GRM8: variants seen among roughly 807,000 people sequenced by gnomAD.
GRM8 encodes metabotropic glutamate receptor 8.
Under a neutral mutation model 87.2 loss-of-function variants are expected in GRM8, and 47 were observed. The ratio of observed to expected loss-of-function variants is 0.54; its 90% CI spans 0.43 to 0.69. GRM8 has a LOEUF of 0.69. Ranked by LOEUF, GRM8 falls within the 30% of genes least tolerant of loss-of-function variation. The probability of loss-of-function intolerance (pLI) is 0.00; values close to 1 mark genes in which losing one functional copy is unlikely to be tolerated. For synonymous variants in GRM8, 396 were observed against 404.5 expected (o/e 0.98, Z 0.25); for missense variants, 1,019 against 1,139.2 (o/e 0.89, Z 1.52).
At chr7:126,771,978 C>T (rs567034547) in intron 6 of GRM8, among the ~76,000 whole-genome samples, 1 of 152,108 alleles carries the variant, frequency 6.6e-6, no homozygotes, top group Non-Finnish European at 1.5e-5. Flanking sequence ...AGTCTTAGAA[C>T]AACACTGCTT....
chr7:126,707,640 A>G (rs1258865037), intron 7 of GRM8, among the ~76,000 whole-genome samples: 1 of 152,204 alleles, frequency 6.6e-6, no homozygotes, highest in African/African-American at 2.4e-5. Context: ...GTCAACTGAT[A>G]CTCAACAATA....
At chr7:126,812,898 A>G (rs2151743260) in intron 6 of GRM8, among the ~76,000 whole-genome samples, 1 of 152,218 alleles carries the variant, frequency 6.6e-6, no homozygotes, top group Middle Eastern at 3.4e-3. Flanking sequence ...AAAAACAGAC[A>G]GGAAACTTTT....
intron 2 of GRM8, among the ~76,000 whole-genome samples, chr7:127,120,189 T>C (rs1380177545): frequency 1.3e-5 from 2 of 152,212 alleles, no homozygotes; most frequent in Admixed American, 1.3e-4. Flanking sequence ...GCAGCTATCA[T>C]CTATGCATGG....
At chr7:126,849,615 C>A (rs1797019759) in intron 6 of GRM8, among the ~76,000 whole-genome samples, 1 of 152,192 alleles carries the variant, frequency 6.6e-6, no homozygotes, top group African/African-American at 2.4e-5. Flanking sequence ...TCCTAAACAA[C>A]TATTTCCTTC....
At chr7:127,140,850 A>C (rs764882425) in intron 2 of GRM8, among the ~76,000 whole-genome samples, 1 of 151,706 alleles carries the variant, frequency 6.6e-6, no homozygotes, top group Non-Finnish European at 1.5e-5. Flanking sequence ...AGCTGCAGAC[A>C]AAGTCTCCAT....
At position 126,497,629 on chromosome 7, in the gene GRM8, G is replaced by A. The variant is rs536317992; in HGVS notation, c.2430+35323C>T. Among the ~76,000 whole-genome samples the A allele has an allele frequency of 2.0e-5, 3 of 151,822 alleles. No individual in the cohort carries two copies. The East Asian group carries it at 5.9e-4, about 30-fold the overall frequency. Reference sequence around the variant, plus strand: ...CTGTCATTATAACAACCCAATAATTGGTTTAACCTCTTAAAATTATTCTAG... The same window carrying A: ...CTGTCATTATAACAACCCAATAATTAGTTTAACCTCTTAAAATTATTCTAG... On this transcript the variant is annotated intron_variant, in intron 9 of 10. Coordinates refer to ENST00000339582, the MANE Select transcript of GRM8 (RefSeq NM_000845.3).
rs572070025 is a variant in GRM8, at chr7:127,075,309, T to C, written c.727+31187A>G. On this transcript the variant is annotated intron_variant, in intron 3 of 10. Coordinates refer to ENST00000339582, the MANE Select transcript of GRM8 (RefSeq NM_000845.3). ...CAAAATGTAGCATTACTTTAAGTCC[T>C]TTATAATTACATATTTCCCACAATT... Among the ~76,000 whole-genome samples the C allele has an allele frequency of 2.6e-5, 4 of 152,326 alleles. No homozygotes were observed. In the South Asian group the frequency reaches 8.3e-4, roughly 32 times the overall value.
intron 3 of GRM8, among the ~76,000 whole-genome samples, chr7:127,043,803 T>C (rs1818670860): frequency 6.6e-6 from 1 of 152,148 alleles, no homozygotes; most frequent in Non-Finnish European, 1.5e-5. Context: ...CCTTTGCGGA[T>C]AGGTGGCTCT....
intron 3 of GRM8, among the ~76,000 whole-genome samples, chr7:126,957,173 A>T (rs1380788265): frequency 6.6e-6 from 1 of 152,210 alleles, no homozygotes; most frequent in Non-Finnish European, 1.5e-5. Flanking sequence ...GGTAAGGAAG[A>T]TCTCAATCAC....
rs554041586 is a variant in GRM8 at position 126,801,619 on chromosome 7, C to T, written c.1157-31554G>A. 8.5e-5 allele frequency among the ~76,000 whole-genome samples: 8 copies of T among 94,444 alleles called. No individual in the cohort carries two copies. The South Asian group carries it at 1.3e-3, about 16-fold the overall frequency. The allele number at this position is 94,444 out of a possible 152,430, so 62.0% of individuals were successfully genotyped here. A position where few individuals can be genotyped will look rare whatever the true frequency, so the allele number is the denominator to read the frequency against. On this transcript the variant is annotated intron_variant, in intron 6 of 10. Transcript: ENST00000339582. Reference sequence around the variant, plus strand: ...CTGTATTATATAATTTTCTATAATACGTATGTATTAGTTATTGTAATGCAT... The same window carrying T: ...CTGTATTATATAATTTTCTATAATATGTATGTATTAGTTATTGTAATGCAT...
chr7:126,804,818 C>T (rs1481725509), intron 6 of GRM8, among the ~76,000 whole-genome samples: 2 of 152,164 alleles, frequency 1.3e-5, no homozygotes, highest in Non-Finnish European at 2.9e-5. Flanking sequence ...TTATGACTTA[C>T]TCTACCTATG....
intron 3 of GRM8, among the ~76,000 whole-genome samples, chr7:127,009,446 A>G (rs1160693868): frequency 6.6e-6 from 1 of 152,118 alleles, no homozygotes; most frequent in African/African-American, 2.4e-5. Flanking sequence ...TCCTAGAATG[A>G]CATTCTTTAC....
chr7:127,206,724 G>C (rs147668406), intron 2 of GRM8, among the ~76,000 whole-genome samples: 106 of 152,302 alleles, frequency 7.0e-4, no homozygotes, highest in African/African-American at 2.5e-3. Context: ...AGCACCTCCA[G>C]TGTTCTGCAG....
intron 8 of GRM8, among the ~76,000 whole-genome samples, chr7:126,552,012 A>AT (rs1489424766): frequency 6.6e-6 from 1 of 152,006 alleles, no homozygotes; most frequent in East Asian, 1.9e-4. Context: ...GCTTCACTCA[A>AT]TTTTTGTATT....
At chr7:126,610,623 G>A (rs1319899323) in intron 7 of GRM8, among the ~76,000 whole-genome samples, 1 of 151,966 alleles carries the variant, frequency 6.6e-6, no homozygotes, top group African/African-American at 2.4e-5. Flanking sequence ...TCTATCTGTA[G>A]AGTTGTTTAC....
At chr7:126,473,248 T>G (rs1408408576) in intron 9 of GRM8, among the ~76,000 whole-genome samples, 1 of 152,162 alleles carries the variant, frequency 6.6e-6, no homozygotes, top group African/African-American at 2.4e-5. Flanking sequence ...CAGCCGGAAC[T>G]GGGGTGGTAT....
At chr7:126,843,215 G>A (rs1178109440) in intron 6 of GRM8, among the ~76,000 whole-genome samples, 2 of 151,964 alleles carry the variant, frequency 1.3e-5, no homozygotes, top group African/African-American at 4.8e-5. Flanking sequence ...GTCAGTTTTG[G>A]CAGATCTGGA....
intron 9 of GRM8, among the ~76,000 whole-genome samples, chr7:126,475,897 C>G (rs1805848092): frequency 6.6e-6 from 1 of 152,050 alleles, no homozygotes; most frequent in African/African-American, 2.4e-5. Flanking sequence ...GGTGGGAAAA[C>G]TGGATATTCA....
Position 126,603,791 on chromosome 7 carries a change from C to T in GRM8, c.1494+5571G>A, listed in dbSNP as rs1288512292. ...TGTATCATAGGAAAGAGCATTTTCA[C>T]ATGTAAGCAACTTTGCAAACAGGGA... is the stretch of plus-strand genomic sequence containing the variant. On this transcript the variant is annotated intron_variant, in intron 8 of 10. Coordinates refer to ENST00000339582, the MANE Select transcript of GRM8 (RefSeq NM_000845.3). Among the ~76,000 whole-genome samples, 6 of 152,144 alleles carry T rather than the reference C, an allele frequency of 3.9e-5. No homozygotes were observed. In the East Asian group the frequency reaches 9.7e-4, roughly 25 times the overall value.
Sources: gnomAD v4.1 joint callset for allele counts (sites outside exome capture counted in the v4.1 genomes callset) on GRCh38, gnomAD v4.1.1 for gene constraint, MANE v1.5 for transcripts, NCBI Gene and HGNC (gene_info 2026-07-23, HGNC 2026-07-21) for gene names.